Variants in CTNNA3 observed in about 807,000 individuals in gnomAD.
CTNNA3 encodes the protein catenin alpha-3.
Under a neutral mutation model 95.7 loss-of-function variants are expected in CTNNA3, and 76 were observed. That is an observed-to-expected ratio of 0.79 (90% CI 0.66 to 0.96). The LOEUF is 0.96. CTNNA3 is among the 40% of genes least tolerant of loss of function. The pLI is 0.00. For synonymous variants in CTNNA3, 431 were observed against 374.4 expected, an observed-to-expected ratio of 1.15 and a Z score of -1.74; for missense variants, 1,191 against 1,089.8, an observed-to-expected ratio of 1.09 and a Z score of -1.31.
At position 66,329,171 on chromosome 10, in the gene CTNNA3, G is replaced by A. The variant is rs1036858602; in HGVS notation, c.1733-48550C>T. On this transcript the variant is annotated intron_variant, in intron 12 of 17. Transcript: ENST00000433211. ...TCACCATATCGGCCAGGCTGGTATCGAACCCCTGACCTCAGGTGATACACC... is the reference window on the plus strand; with the variant it reads ...TCACCATATCGGCCAGGCTGGTATCAAACCCCTGACCTCAGGTGATACACC... 3.3e-5 allele frequency among the ~76,000 whole-genome samples: 5 copies of A among 151,340 alleles called. No individual in the cohort carries two copies. In the South Asian group the frequency reaches 6.3e-4, roughly 19 times the overall value.
At chr10:67,465,339 A>G (rs1294314847) in intron 5 of CTNNA3, among the ~76,000 whole-genome samples, 1 of 152,116 alleles carries the variant, frequency 6.6e-6, no homozygotes, top group Non-Finnish European at 1.5e-5. Flanking sequence ...CTCATGCAAT[A>G]GAAAGATGGT....
chr10:67,761,631 CA>C (rs1334948958), intron 1 of CTNNA3, among the ~76,000 whole-genome samples: 147 of 152,274 alleles, frequency 9.7e-4, no homozygotes, highest in African/African-American at 3.3e-3. Context: ...GTGATCTCAG[CA>C]CTTTGGGAGG....
intron 5 of CTNNA3, among the ~76,000 whole-genome samples, chr10:67,448,674 C>T (rs1047758413): frequency 2.6e-5 from 4 of 151,038 alleles, no homozygotes; most frequent in East Asian, 1.9e-4. Flanking sequence ...AAATTCTATG[C>T]GAGTTGAAGA....
chr10:66,270,717 G>A (rs2132129255), intron 13 of CTNNA3, among the ~76,000 whole-genome samples: 1 of 152,294 alleles, frequency 6.6e-6, no homozygotes, highest in Non-Finnish European at 1.5e-5. Flanking sequence ...GATCTGTGTA[G>A]GGTGTTGGAT....
intron 7 of CTNNA3, among the ~76,000 whole-genome samples, chr10:67,126,127 T>G (rs757624614): frequency 1.3e-5 from 2 of 152,252 alleles, no homozygotes; most frequent in Non-Finnish European, 2.9e-5. Flanking sequence ...AATACTAATT[T>G]TATTATGTAT....
intron 9 of CTNNA3, among the ~76,000 whole-genome samples, chr10:66,627,168 A>T (rs139814294): frequency 3.4e-4 from 52 of 152,304 alleles, no homozygotes; most frequent in African/African-American, 1.2e-3. Flanking sequence ...TGAGAAATAG[A>T]GAAAAGGCTA....
At chr10:67,160,573 A>G (rs187980928) in intron 7 of CTNNA3, among the ~76,000 whole-genome samples, 1 of 151,482 alleles carries the variant, frequency 6.6e-6, no homozygotes, top group African/African-American at 2.4e-5. Flanking sequence ...TAGAGCTGGG[A>G]CCACAGGGGT....
intron 13 of CTNNA3, among the ~76,000 whole-genome samples, chr10:66,274,005 A>C (rs1279268181): frequency 6.6e-6 from 1 of 152,170 alleles, no homozygotes; most frequent in Non-Finnish European, 1.5e-5. Context: ...TAGATGTATA[A>C]AGGAAAACTA....
chr10:66,471,730 T>G (rs1168069707), intron 11 of CTNNA3, among the ~76,000 whole-genome samples: 3 of 151,402 alleles, frequency 2.0e-5, no homozygotes, highest in African/African-American at 7.3e-5. Flanking sequence ...TAAGACATGC[T>G]CAGAAGTCAT....
intron 7 of CTNNA3, among the ~76,000 whole-genome samples, chr10:67,163,234 T>A (rs1861623533): frequency 6.6e-6 from 1 of 151,960 alleles, no homozygotes; most frequent in Admixed American, 6.6e-5. Flanking sequence ...TATTAACAAA[T>A]AGAATTCATC....
At chr10:66,266,946 A>G (rs2091173302) in intron 13 of CTNNA3, among the ~76,000 whole-genome samples, 2 of 152,064 alleles carry the variant, frequency 1.3e-5, no homozygotes, top group African/African-American at 4.8e-5. Context: ...TATTTGATTG[A>G]AATTTCTATC....
chr10:66,898,803 G>A (rs543916635), intron 7 of CTNNA3, among the ~76,000 whole-genome samples: 20 of 152,246 alleles, frequency 1.3e-4, no homozygotes, highest in African/African-American at 4.8e-4. Context: ...TGGCAATGGG[G>A]CAATGATCTC....
chr10:67,322,022 C>T (rs1841341038), intron 5 of CTNNA3, among the ~76,000 whole-genome samples: 1 of 151,962 alleles, frequency 6.6e-6, no homozygotes, highest in African/African-American at 2.4e-5. Context: ...CCTGTCAAAC[C>T]TTTTCTTATA....
chr10:66,921,406 ACT>A (rs772421567), intron 7 of CTNNA3, among the ~76,000 whole-genome samples: 16 of 152,214 alleles, frequency 1.1e-4, no homozygotes, highest in Middle Eastern at 3.4e-3. Flanking sequence ...TCACATACTA[ACT>A]CTGCACAAAA....
At chr10:67,725,995 A>G (rs1477398961) in intron 1 of CTNNA3, among the ~76,000 whole-genome samples, 1 of 137,008 alleles carries the variant, frequency 7.3e-6, no homozygotes, top group Admixed American at 8.0e-5. Context: ...ACTATATATT[A>G]TATATTATAT....
chr10:66,996,535 C>T (rs999387059), intron 7 of CTNNA3, among the ~76,000 whole-genome samples: 1 of 150,502 alleles, frequency 6.6e-6, no homozygotes, highest in South Asian at 2.1e-4. Context: ...GTAGTCCCAG[C>T]TACTCAGGAG....
At chr10:67,742,567 C>T (rs1161259133) in intron 1 of CTNNA3, among the ~76,000 whole-genome samples, 19 of 151,020 alleles carry the variant, frequency 1.3e-4, no homozygotes, top group Admixed American at 8.6e-4. Context: ...CTAAAATTGA[C>T]ACCCTAACAT....
At chr10:65,953,015 G>A (rs1171200100) in intron 17 of CTNNA3, among the ~76,000 whole-genome samples, 1 of 152,154 alleles carries the variant, frequency 6.6e-6, no homozygotes, top group African/African-American at 2.4e-5. Context: ...ATGACATTTG[G>A]GGAAAGGGTA....
intron 4 of CTNNA3, among the ~76,000 whole-genome samples, chr10:67,526,341 C>G (rs1468498670): frequency 1.4e-5 from 2 of 146,400 alleles, no homozygotes; most frequent in Non-Finnish European, 3.0e-5. Context: ...ACATACATAT[C>G]TCAAATGATT....
Sources: gnomAD v4.1 joint callset for allele counts (sites outside exome capture counted in the v4.1 genomes callset) on GRCh38, gnomAD v4.1.1 for gene constraint, MANE v1.5 for transcripts, NCBI Gene and HGNC (gene_info 2026-07-23, HGNC 2026-07-21) for gene names.